Variants in SLC22A3 observed in about 807,000 individuals in gnomAD.
The protein encoded by SLC22A3 is EMT organic cation transporter 3.
A neutral mutation model predicts 59.1 loss-of-function variants in SLC22A3; 51 were observed. The observed-to-expected ratio is 0.86, with a 90% CI of 0.69 to 1.09. SLC22A3 has a LOEUF of 1.09. Among genes scored for constraint, SLC22A3 ranks in the 50% least tolerant of loss-of-function variants. The pLI is 0.00. For missense variants in SLC22A3, 711 were observed against 726.3 expected (o/e 0.98, Z 0.24); for synonymous variants, 325 against 292.0 (o/e 1.11, Z -1.15).
At chr6:160,407,264 T>A in intron 3 of SLC22A3, 69 bp downstream of exon 3, 1 of 1,466,386 alleles carries the variant, frequency 6.8e-7, no homozygotes, top group Non-Finnish European at 9.2e-7. Flanking sequence ...TGCTAGTTAA[T>A]CAACCTTCCT....
chr6:160,350,104 C>G (rs1026779955), intron 1 of SLC22A3, among the ~76,000 whole-genome samples: 5 of 151,550 alleles, frequency 3.3e-5, no homozygotes, highest in African/African-American at 1.2e-4. Flanking sequence ...GGGATAAAAC[C>G]CATGGCAGGA....
chr6:160,368,030 C>G (rs1394012724), intron 1 of SLC22A3, among the ~76,000 whole-genome samples: 2 of 152,116 alleles, frequency 1.3e-5, no homozygotes, highest in African/African-American at 4.8e-5. Flanking sequence ...ACATGCTGCT[C>G]TGTCCTCTCT....
chr6:160,406,495 G>A (rs1787017891), intron 2 of SLC22A3, among the ~76,000 whole-genome samples: 1 of 152,206 alleles, frequency 6.6e-6, no homozygotes, highest in Non-Finnish European at 1.5e-5. Flanking sequence ...GACATTGGCT[G>A]TGAACTTTGT....
At chr6:160,420,974 C>G (rs1211184383) in intron 5 of SLC22A3, among the ~76,000 whole-genome samples, 2 of 152,202 alleles carry the variant, frequency 1.3e-5, no homozygotes, top group Non-Finnish European at 2.9e-5. Flanking sequence ...TCCGCAGAGC[C>G]TCATGTCTAC....
At chr6:160,383,070 T>G (rs1785855662) in intron 1 of SLC22A3, among the ~76,000 whole-genome samples, 1 of 152,188 alleles carries the variant, frequency 6.6e-6, no homozygotes, top group Non-Finnish European at 1.5e-5. Context: ...AAGCTCTGCC[T>G]GTGCATTAGG....
Position 160,415,565 on chromosome 6 carries a change from A to T in SLC22A3, c.975+4719A>T, listed in dbSNP as rs1408659240. 1.3e-5 allele frequency among the ~76,000 whole-genome samples: 2 copies of T among 152,172 alleles called. No individual in the cohort carries two copies. Among genetic ancestry groups the T allele is most frequent in the Non-Finnish European group, 2.9e-5 (2 of 68,032 alleles). On this transcript the variant is annotated intron_variant, in intron 5 of 10. Coordinates refer to ENST00000275300, the MANE Select transcript of SLC22A3 (RefSeq NM_021977.4). This position sits in a 1 kb window ranked among gnomAD's most constrained non-coding sequence, Gnocchi z 4.1. ...CAGACCCACGACTGAAGTTCCCAGC[A>T]ATCTCTTTTTACTTTTCACAGAATC...
intron 1 of SLC22A3, among the ~76,000 whole-genome samples, chr6:160,352,389 T>C (rs992827873): frequency 2.0e-5 from 3 of 152,174 alleles, no homozygotes; most frequent in Non-Finnish European, 2.9e-5. Flanking sequence ...TTGGGCAGAA[T>C]AAAATACAAT....
intron 5 of SLC22A3, among the ~76,000 whole-genome samples, chr6:160,424,366 A>T (rs1787872246): frequency 6.6e-6 from 1 of 152,238 alleles, no homozygotes; most frequent in African/African-American, 2.4e-5. Flanking sequence ...TTGTGTCATT[A>T]TGTGGTCTCA....
chr6:160,404,750 C>T (rs1174719142), intron 2 of SLC22A3, among the ~76,000 whole-genome samples: 4 of 151,836 alleles, frequency 2.6e-5, no homozygotes, highest in Non-Finnish European at 5.9e-5. Context: ...TAGACCTCTA[C>T]CAATAGTTCA....
chr6:160,366,347 A>C (rs760580330), intron 1 of SLC22A3, among the ~76,000 whole-genome samples: 2 of 152,346 alleles, frequency 1.3e-5, no homozygotes, highest in Middle Eastern at 3.4e-3. Context: ...AATTGGCCAA[A>C]ATAAAGGTGC....
At chr6:160,396,952 T>G (rs1307755901) in intron 1 of SLC22A3, among the ~76,000 whole-genome samples, 2 of 152,114 alleles carry the variant, frequency 1.3e-5, no homozygotes, top group Admixed American at 6.5e-5. Flanking sequence ...AATAAAAGTC[T>G]GTGGAAATGA....
Position 160,392,569 on chromosome 6 carries a change from A to T in SLC22A3, c.430-5410A>T, listed in dbSNP as rs1398876159. Among the ~76,000 whole-genome samples, 33 of 152,230 alleles carry T rather than the reference A, an allele frequency of 2.2e-4. 2 individuals carry two copies. Among genetic ancestry groups the T allele is most frequent in the Admixed American group, 2.2e-3 (33 of 15,280 alleles). On this transcript the variant is annotated intron_variant, in intron 1 of 10. Transcript: ENST00000275300. ...GCAAACAAAATTGGAGTGATCTCCA[A>T]CATACCTGATAATTACTCTTTATAC... is the stretch of plus-strand genomic sequence containing the variant.
intron 1 of SLC22A3, among the ~76,000 whole-genome samples, chr6:160,373,703 G>A (rs1007413392): frequency 1.3e-5 from 2 of 152,164 alleles, no homozygotes; most frequent in East Asian, 1.9e-4. Flanking sequence ...GAGAGGCCCT[G>A]CCCAGAGAGG....
At chr6:160,449,782 G>T (rs1323676401) in intron 10 of SLC22A3, among the ~76,000 whole-genome samples, 2 of 152,140 alleles carry the variant, frequency 1.3e-5, no homozygotes, top group African/African-American at 4.8e-5. Context: ...ACAAAGAGAG[G>T]AATTTTACAG....
chr6:160,418,487 G>A (rs1249127149), intron 5 of SLC22A3, among the ~76,000 whole-genome samples: 2 of 152,178 alleles, frequency 1.3e-5, no homozygotes, highest in Non-Finnish European at 2.9e-5. Flanking sequence ...TTGTGGCCGT[G>A]TGAGCCAATT....
chr6:160,360,781 A>G (rs763855053), intron 1 of SLC22A3, among the ~76,000 whole-genome samples: 32 of 151,988 alleles, frequency 2.1e-4, no homozygotes, highest in Non-Finnish European at 4.6e-4. Flanking sequence ...GCCCCAACCA[A>G]TGTAGTCTTT....
chr6:160,400,172 C>T (rs1468528207), intron 2 of SLC22A3, among the ~76,000 whole-genome samples: 1 of 148,446 alleles, frequency 6.7e-6, no homozygotes, highest in Non-Finnish European at 1.5e-5. Flanking sequence ...CATGCTCTGG[C>T]AGCCAGAGGG....
rs11961446 is a variant in SLC22A3 at position 160,430,691 on chromosome 6, T to G, written c.976-6089T>G. 6.4e-3 allele frequency among the ~76,000 whole-genome samples: 971 copies of G among 152,302 alleles called. 14 individuals carry two copies. The highest frequency in any genetic ancestry group is 0.023 in the African/African-American group (936 of 41,548). Reference sequence around the variant, plus strand: ...CTGCAGTTTAACCTTGAGCGATACCTTTTCCCATGAATAGAGAGTGTCGAT... The same window carrying G: ...CTGCAGTTTAACCTTGAGCGATACCGTTTCCCATGAATAGAGAGTGTCGAT... On this transcript the variant is annotated intron_variant, in intron 5 of 10. Transcript: ENST00000275300.
intron 5 of SLC22A3, among the ~76,000 whole-genome samples, chr6:160,416,969 T>C (rs1787521394): frequency 6.6e-6 from 1 of 152,242 alleles, no homozygotes; most frequent in Non-Finnish European, 1.5e-5. Context: ...TGGTGAGTAA[T>C]GGAGAGCTGG....
Sources: gnomAD v4.1 joint callset for allele counts (sites outside exome capture counted in the v4.1 genomes callset) on GRCh38, gnomAD v4.1.1 for gene constraint, Gnocchi (gnomAD v3.1) non-coding constraint, MANE v1.5 for transcripts, NCBI Gene and HGNC (gene_info 2026-07-23, HGNC 2026-07-21) for gene names.